Variants in CBL observed in about 807,000 individuals in gnomAD.
CBL encodes the protein E3 ubiquitin-protein ligase CBL.
CBL carries 45 observed loss-of-function variants against 96.9 expected under a neutral mutation model. The observed-to-expected ratio is 0.46, with a 90% CI of 0.37 to 0.60. CBL has a LOEUF of 0.60. CBL is among the 20% of genes least tolerant of loss of function. The pLI is 0.00. For synonymous variants in CBL, 420 were observed against 426.8 expected (o/e 0.98, Z 0.20); for missense variants, 1,024 against 1,143.5 (o/e 0.90, Z 1.51).
Position 119,307,276 on chromosome 11 carries a change from C to T in CBL, c.*7495C>T, listed in dbSNP as rs985086814. ...AAAAGACAGAATGTTTCACAATTCCCAGGTAAACTCTGGACCATTCCAAGT... is the reference window on the plus strand; with the variant it reads ...AAAAGACAGAATGTTTCACAATTCCTAGGTAAACTCTGGACCATTCCAAGT... On this transcript the variant is annotated 3_prime_UTR_variant, in exon 16 of 16. Coordinates refer to ENST00000264033, the MANE Select transcript of CBL (RefSeq NM_005188.4). The T allele has an allele frequency of 4.3e-6, 1 of 232,714 alleles. No homozygotes were observed. The highest frequency in any genetic ancestry group is 6.1e-5 in the East Asian group (1 of 16,466). 14.4% of individuals were successfully genotyped at this position (232,714 alleles called of 1,614,324 possible). A position where few individuals can be genotyped will look rare whatever the true frequency, so the allele number is the denominator to read the frequency against.
rs1026039241 is a variant in CBL, at chr11:119,302,683, C to T, written c.*2902C>T. On this transcript the variant is annotated 3_prime_UTR_variant, in exon 16 of 16. Transcript: ENST00000264033. ...GCTGCAGAGCAGCAACTGGACCTTTCCAGCTGTCGCCATGTTCCTTCCACT... is the reference window on the plus strand; with the variant it reads ...GCTGCAGAGCAGCAACTGGACCTTTTCAGCTGTCGCCATGTTCCTTCCACT... 5.2e-5 allele frequency: 12 copies of T among 231,392 alleles called. No individual in the cohort carries two copies. Among genetic ancestry groups the T allele is most frequent in the Non-Finnish European group, 8.5e-5 (10 of 116,970 alleles). 14.3% of individuals were successfully genotyped at this position (231,392 alleles called of 1,614,324 possible). A position where few individuals can be genotyped will look rare whatever the true frequency, so the allele number is the denominator to read the frequency against.
chr11:119,268,133 T>C (rs1949817883), intron 2 of CBL, among the ~76,000 whole-genome samples: 1 of 152,240 alleles, frequency 6.6e-6, no homozygotes, highest in Non-Finnish European at 1.5e-5. Flanking sequence ...AAATCCAAGC[T>C]GAGTTTGGAT....
At chr11:119,221,721 C>T (rs1949412977) in intron 1 of CBL, among the ~76,000 whole-genome samples, 1 of 150,092 alleles carries the variant, frequency 6.7e-6, no homozygotes, top group South Asian at 2.1e-4. Context: ...TGAGCCAAGT[C>T]GCGCCACTGC....
At chr11:119,271,993 A>G (rs1949852706) in intron 3 of CBL, 112 bp downstream of exon 3, 3 of 958,212 alleles carry the variant, frequency 3.1e-6, no homozygotes, top group South Asian at 2.9e-5. Context: ...GAAAAGTAAT[A>G]TATGTGTATG....
chr11:119,280,124 T>C (rs1381233401), intron 9 of CBL, among the ~76,000 whole-genome samples: 2 of 152,260 alleles, frequency 1.3e-5, no homozygotes, highest in Non-Finnish European at 2.9e-5. Context: ...GGCCATTCCA[T>C]AATTTATTTT....
chr11:119,268,256 GAATTTT>G (rs559191597), intron 2 of CBL, among the ~76,000 whole-genome samples: 29 of 152,268 alleles, frequency 1.9e-4, no homozygotes, highest in Middle Eastern at 3.4e-3. Flanking sequence ...ACCAAGGCTG[GAATTTT>G]AATTTTAATT....
chr11:119,229,598 C>CT (rs1230493230), intron 1 of CBL, among the ~76,000 whole-genome samples: 1 of 151,890 alleles, frequency 6.6e-6, no homozygotes, highest in Admixed American at 6.6e-5. Flanking sequence ...CAGAGGGAGT[C>CT]TTTTTCTCAA....
At chr11:119,288,047 T>A in intron 12 of CBL, 101 bp downstream of exon 12, 1 of 772,776 alleles carries the variant, frequency 1.3e-6, no homozygotes, top group Non-Finnish European at 2.3e-6. Context: ...AAAAAGAAAA[T>A]AAAAATCTCT....
intron 1 of CBL, among the ~76,000 whole-genome samples, chr11:119,212,200 C>G (rs1377927335): frequency 1.3e-5 from 2 of 151,776 alleles, no homozygotes; most frequent in East Asian, 3.9e-4. Flanking sequence ...CCACGCCCAG[C>G]CTTTATTTTT....
chr11:119,277,237 T>TCG lies in CBL; in HGVS notation c.1008-516_1008-515dup, dbSNP rs1345403027. Among the ~76,000 whole-genome samples the TCG allele has an allele frequency of 7.2e-3, 417 of 57,900 alleles. 2 individuals carry two copies. Among genetic ancestry groups the TCG allele is most frequent in the African/African-American group, 0.04 (397 of 9,918 alleles). The allele number at this position is 57,900 out of a possible 152,430, so 38.0% of individuals were successfully genotyped here. A position where few individuals can be genotyped will look rare whatever the true frequency, so the allele number is the denominator to read the frequency against. ...ACCTCAAAAAAAAAATAAGAATCTG[T>TCG]CGCGCACACACACACACACACACAC... On this transcript the variant is annotated intron_variant, in intron 6 of 15. Coordinates refer to ENST00000264033, the MANE Select transcript of CBL (RefSeq NM_005188.4).
At chr11:119,247,086 A>G (rs1232415787) in intron 2 of CBL, among the ~76,000 whole-genome samples, 1 of 152,240 alleles carries the variant, frequency 6.6e-6, no homozygotes, top group African/African-American at 2.4e-5. Flanking sequence ...CTGCCAGTTT[A>G]TCATCAGGTG....
At position 119,301,365 on chromosome 11, in the gene CBL, C is replaced by G. The variant is rs1252649113; in HGVS notation, c.*1584C>G. On this transcript the variant is annotated 3_prime_UTR_variant, in exon 16 of 16. Transcript: ENST00000264033. ...ATGCTGATAAATGATCCCTCGAGTT[C>G]AGTTAGTATTCTGTCCAGAGTGTTT... is the stretch of plus-strand genomic sequence containing the variant. 4.3e-6 allele frequency: 1 copy of G among 233,102 alleles called. No individual in the cohort carries two copies. The highest frequency in any genetic ancestry group is 2.2e-5 in the African/African-American group (1 of 45,318). The allele number at this position is 233,102 out of a possible 1,614,324, so 14.4% of individuals were successfully genotyped here. A position where few individuals can be genotyped will look rare whatever the true frequency, so the allele number is the denominator to read the frequency against.
At chr11:119,279,158 A>C (rs1949913632) in intron 9 of CBL, among the ~76,000 whole-genome samples, 1 of 152,124 alleles carries the variant, frequency 6.6e-6, no homozygotes, top group Non-Finnish European at 1.5e-5. Context: ...TGCAACTAGA[A>C]TAAGTTCTGT....
intron 1 of CBL, among the ~76,000 whole-genome samples, chr11:119,211,815 G>A (rs567215310): frequency 6.6e-6 from 1 of 151,998 alleles, no homozygotes; most frequent in African/African-American, 2.4e-5. Context: ...TTGTTGTTAC[G>A]ACTCTTTAAA....
At chr11:119,229,627 C>CA (rs1478927186) in intron 1 of CBL, among the ~76,000 whole-genome samples, 1 of 151,134 alleles carries the variant, frequency 6.6e-6, no homozygotes, top group African/African-American at 2.4e-5. Context: ...ACAACAACAA[C>CA]AAAAAACAAA....
chr11:119,272,316 T>C (rs1425024028), intron 3 of CBL, among the ~76,000 whole-genome samples: 1 of 152,062 alleles, frequency 6.6e-6, no homozygotes, highest in Non-Finnish European at 1.5e-5. Flanking sequence ...AGAGACAGGG[T>C]TTCACCACGT....
At chr11:119,248,345 T>C (rs1452547458) in intron 2 of CBL, among the ~76,000 whole-genome samples, 1 of 152,218 alleles carries the variant, frequency 6.6e-6, no homozygotes, top group Admixed American at 6.5e-5. Context: ...CGATACTTTT[T>C]TGACAAGCTT....
At chr11:119,251,714 C>G (rs1274157328) in intron 2 of CBL, among the ~76,000 whole-genome samples, 1 of 152,088 alleles carries the variant, frequency 6.6e-6, no homozygotes, top group Non-Finnish European at 1.5e-5. Flanking sequence ...CAAAGAAACC[C>G]TCCTGCACCC....
Position 119,297,319 on chromosome 11 carries a change from T to C in CBL, c.2154-65T>C. 3.9e-6 allele frequency: 5 copies of C among 1,274,728 alleles called. No homozygotes were observed. In the South Asian group the frequency reaches 5.9e-5, roughly 15 times the overall value. The allele number at this position is 1,274,728 out of a possible 1,614,324, so 79.0% of individuals were successfully genotyped here. On this transcript the variant is annotated intron_variant, in intron 13 of 15. Transcript: ENST00000264033. ...TATTGGCAAAACGAGAAGATGAATC[T>C]TCATAAGTTTATAGATAACAGTTCT...
Sources: allele counts gnomAD v4.1 joint callset (sites outside exome capture counted in the v4.1 genomes callset), GRCh38; gene constraint gnomAD v4.1.1; transcripts MANE v1.5; gene names NCBI Gene and HGNC (gene_info 2026-07-23, HGNC 2026-07-21).